The following MARCHF1 variants were observed in gnomAD, a reference collection of about 807,000 sequenced individuals.
The protein encoded by MARCHF1 is membrane associated ring-CH-type finger 1, also known as E3 ubiquitin-protein ligase MARCHF1.
A neutral mutation model predicts 54.2 loss-of-function variants in MARCHF1; 40 were observed. The ratio of observed to expected loss-of-function variants is 0.74; its 90% CI spans 0.57 to 0.96. The LOEUF (loss-of-function observed/expected upper bound fraction) is 0.96, where lower values mean the gene tolerates loss of function less well. Ranked by LOEUF, MARCHF1 falls within the 40% of genes least tolerant of loss-of-function variation. MARCHF1 has a pLI of 0.00. For synonymous variants in MARCHF1, 236 were observed against 236.3 expected (o/e 1.00, Z 0.01); for missense variants, 586 against 656.5 (o/e 0.89, Z 1.17).
intron 2 of MARCHF1, among the ~76,000 whole-genome samples, chr4:164,029,472 A>C (rs1009971432): frequency 2.0e-5 from 3 of 152,070 alleles, no homozygotes; most frequent in Admixed American, 2.0e-4. Context: ...CTGGGGTTAC[A>C]ATAACTCAAT....
At chr4:164,126,965 A>T (rs1261314099) in intron 1 of MARCHF1, among the ~76,000 whole-genome samples, 1 of 152,134 alleles carries the variant, frequency 6.6e-6, no homozygotes, top group Non-Finnish European at 1.5e-5. Context: ...GAGGTGGGAG[A>T]ATCGCTTGAA....
At chr4:163,856,966 T>A (rs535583606) in intron 3 of MARCHF1, among the ~76,000 whole-genome samples, 1 of 151,862 alleles carries the variant, frequency 6.6e-6, no homozygotes, top group Admixed American at 6.6e-5. Context: ...AGTGAGCTGA[T>A]GGCGCCACTG....
intron 4 of MARCHF1, among the ~76,000 whole-genome samples, chr4:163,722,624 G>A (rs1745511335): frequency 6.6e-6 from 1 of 152,152 alleles, no homozygotes; most frequent in Admixed American, 6.5e-5. Context: ...TGTTGACAGT[G>A]GGGTGTTAAA....
intron 1 of MARCHF1, among the ~76,000 whole-genome samples, chr4:164,336,070 C>A (rs541475077): frequency 1.1e-4 from 16 of 152,244 alleles, no homozygotes; most frequent in African/African-American, 3.9e-4. Flanking sequence ...ACATTAGTAT[C>A]AAACCCATGA....
intron 4 of MARCHF1, among the ~76,000 whole-genome samples, chr4:163,806,573 T>C (rs1308469556): frequency 1.3e-5 from 2 of 152,164 alleles, no homozygotes; most frequent in African/African-American, 4.8e-5. Context: ...CTGTGACAAC[T>C]TACAACCTTT....
At chr4:163,632,554 C>G (rs546282694) in intron 5 of MARCHF1, among the ~76,000 whole-genome samples, 1 of 152,184 alleles carries the variant, frequency 6.6e-6, no homozygotes, top group African/African-American at 2.4e-5. Context: ...TAAAAAACGG[C>G]GCACCACAAG....
intron 1 of MARCHF1, among the ~76,000 whole-genome samples, chr4:164,377,011 T>G (rs1427791607): frequency 6.6e-6 from 1 of 152,186 alleles, no homozygotes; most frequent in African/African-American, 2.4e-5. Flanking sequence ...ATTTATCTCC[T>G]GATGTGCCTC....
intron 1 of MARCHF1, among the ~76,000 whole-genome samples, chr4:164,258,391 T>TATAATAATA (rs201820317): frequency 0.16 from 23,056 of 145,770 alleles, 1,998 homozygotes; most frequent in Admixed American, 0.22. Context: ...GAACTTAAAG[T>TATAATAATA]ATAATAATAA....
At chr4:163,690,971 G>A (rs148353283) in intron 5 of MARCHF1, among the ~76,000 whole-genome samples, 47 of 152,310 alleles carry the variant, frequency 3.1e-4, no homozygotes, top group African/African-American at 8.4e-4. Flanking sequence ...TCCCCAAGGC[G>A]ACCACTGGGA....
intron 4 of MARCHF1, among the ~76,000 whole-genome samples, chr4:163,811,773 G>T (rs2111013254): frequency 6.6e-6 from 1 of 151,938 alleles, no homozygotes; most frequent in Non-Finnish European, 1.5e-5. Context: ...GGCCCTGTGG[G>T]TTACATAGAT....
rs79446350 is a variant in MARCHF1 at position 163,702,266 on chromosome 4, C to T, written c.112-1403G>A. Among the ~76,000 whole-genome samples the T allele has an allele frequency of 4.0e-3, 611 of 152,240 alleles. 6 individuals carry two copies. Among genetic ancestry groups the T allele is most frequent in the African/African-American group, 0.013 (559 of 41,538 alleles). On this transcript the variant is annotated intron_variant, in intron 4 of 9. Transcript: ENST00000514618. ...TGTATATGCTACCACAGACATTTTTCCCTGATTAGCTCCACTGGTGATGGA... is the reference window on the plus strand; with the variant it reads ...TGTATATGCTACCACAGACATTTTTTCCTGATTAGCTCCACTGGTGATGGA...
At chr4:164,268,630 C>T (rs1305683320) in intron 1 of MARCHF1, among the ~76,000 whole-genome samples, 1 of 152,064 alleles carries the variant, frequency 6.6e-6, no homozygotes, top group Non-Finnish European at 1.5e-5. Flanking sequence ...CAAGCTCTTC[C>T]AATAATAGCA....
intron 1 of MARCHF1, among the ~76,000 whole-genome samples, chr4:164,233,910 A>T (rs1732480420): frequency 6.6e-6 from 1 of 152,220 alleles, no homozygotes; most frequent in African/African-American, 2.4e-5. Context: ...TCATTTAAAA[A>T]TATTTCAATT....
intron 4 of MARCHF1, among the ~76,000 whole-genome samples, chr4:163,786,213 C>G (rs1350692069): frequency 6.6e-6 from 1 of 151,886 alleles, no homozygotes; most frequent in Admixed American, 6.6e-5. Context: ...TGTTATAGCA[C>G]CAAGAGGAAA....
intron 4 of MARCHF1, among the ~76,000 whole-genome samples, chr4:163,742,402 CCTTCCTT>C (rs1746229816): frequency 1.1e-5 from 1 of 87,394 alleles, no homozygotes; most frequent in Non-Finnish European, 2.3e-5. Context: ...TTCCTCCCTT[CCTTCCTT>C]CCTTCCTTCC....
chr4:163,664,173 G>C (rs1743447462), intron 5 of MARCHF1, among the ~76,000 whole-genome samples: 2 of 152,072 alleles, frequency 1.3e-5, no homozygotes, highest in Admixed American at 1.3e-4. Flanking sequence ...ACATGTGTAA[G>C]ACCATCTCTA....
intron 3 of MARCHF1, among the ~76,000 whole-genome samples, chr4:163,929,983 T>TATAGTATATATAAATATATTATATATA (rs1751631887): frequency 7.9e-6 from 1 of 127,012 alleles, no homozygotes; most frequent in African/African-American, 3.0e-5. Flanking sequence ...ATATATATAA[T>TATAGTATATATAAATATATTATATATA]ATATATATAA....
intron 2 of MARCHF1, among the ~76,000 whole-genome samples, chr4:164,071,649 C>T: frequency 6.6e-6 from 1 of 152,082 alleles, no homozygotes; most frequent in East Asian, 1.9e-4. Flanking sequence ...AAATTTTGTT[C>T]TGTTCCTTTG....
chr4:163,713,943 A>G (rs9790845), intron 4 of MARCHF1, among the ~76,000 whole-genome samples: 73,248 of 152,012 alleles, frequency 0.48, 17,697 homozygotes, highest in African/African-American at 0.5. Flanking sequence ...ACATGAAAGA[A>G]CAAACACATA....
Sources: allele counts gnomAD v4.1 joint callset (sites outside exome capture counted in the v4.1 genomes callset), GRCh38; gene constraint gnomAD v4.1.1; transcripts MANE v1.5; gene names NCBI Gene and HGNC (gene_info 2026-07-23, HGNC 2026-07-21).